SAMD4A: variants seen among roughly 807,000 people sequenced by gnomAD.
SAMD4A encodes the protein protein Smaug homolog 1.
Under a neutral mutation model 81.3 loss-of-function variants are expected in SAMD4A, and 33 were observed. That is an observed-to-expected ratio of 0.41 (90% CI 0.31 to 0.54). SAMD4A has a LOEUF of 0.54. Among genes scored for constraint, SAMD4A ranks in the 20% least tolerant of loss-of-function variants. The pLI is 0.37. For missense variants in SAMD4A, 854 were observed against 951.1 expected, an observed-to-expected ratio of 0.90 and a Z score of 1.34; for synonymous variants, 389 against 382.1, an observed-to-expected ratio of 1.02 and a Z score of -0.21.
At chr14:54,585,398 A>T (rs1476564165) in intron 2 of SAMD4A, among the ~76,000 whole-genome samples, 1 of 152,320 alleles carries the variant, frequency 6.6e-6, no homozygotes, top group South Asian at 2.1e-4. Context: ...AAAAATTAGC[A>T]TATGTAATAT....
intron 2 of SAMD4A, among the ~76,000 whole-genome samples, chr14:54,581,055 C>A (rs562930060): frequency 1.3e-5 from 2 of 152,240 alleles, no homozygotes; most frequent in African/African-American, 4.8e-5. Flanking sequence ...TTACAGAAGA[C>A]CTGGGTTAGG....
intron 2 of SAMD4A, among the ~76,000 whole-genome samples, chr14:54,655,722 G>A (rs1319107531): frequency 6.6e-6 from 1 of 152,262 alleles, no homozygotes; most frequent in Non-Finnish European, 1.5e-5. Flanking sequence ...TGGGCAATAA[G>A]AGCGAAATTC....
At chr14:54,640,920 T>C (rs1347407673) in intron 2 of SAMD4A, among the ~76,000 whole-genome samples, 1 of 152,228 alleles carries the variant, frequency 6.6e-6, no homozygotes, top group Non-Finnish European at 1.5e-5. Context: ...AGTTTCCTTT[T>C]GGTCTTTCAC....
rs2038662542 is a variant in SAMD4A at position 54,770,162 on chromosome 14, T to C, written c.1655T>C (p.Leu552Pro). 6.2e-7 allele frequency: 1 copy of C among 1,613,952 alleles called. No homozygotes were observed. The highest frequency in any genetic ancestry group is 1.3e-5 in the African/African-American group (1 of 74,940). Residue 552 changes from leucine to proline, a missense_variant, in exon 9 of 13, where the codon CTC becomes CCC. This residue lies in a region of SAMD4A where 428 missense variants were observed against 471.2 expected (regional missense o/e 0.91). Coordinates refer to ENST00000554335, the MANE Select transcript of SAMD4A (RefSeq NM_015589.6). ...TCATGGAAACAGCAGGTGCAGAAGC[T>C]CTTTCGGTCTTTCCCTCGGAAAACC... is the stretch of plus-strand genomic sequence containing the variant. ...LLSWKQQVQK[L>P]FRSFPRKTLL... is the part of the protein sequence containing the mutation.
chr14:54,790,955 T>C lies in SAMD4A; in HGVS notation c.*2011T>C, dbSNP rs1408018222. The C allele has an allele frequency of 6.6e-6, 1 of 152,114 alleles. No homozygotes were observed. Among genetic ancestry groups the C allele is most frequent in the Non-Finnish European group, 1.5e-5 (1 of 68,026 alleles). 9.4% of individuals were successfully genotyped at this position (152,114 alleles called of 1,614,324 possible). On this transcript the variant is annotated 3_prime_UTR_variant, in exon 13 of 13. Transcript: ENST00000554335. Reference sequence around the variant, plus strand: ...AAAGCCTTTCGTGAGCAGAGAAGGCTTGAATCCACAATTTCATTCGCTGAA... The same window carrying C: ...AAAGCCTTTCGTGAGCAGAGAAGGCCTGAATCCACAATTTCATTCGCTGAA...
intron 7 of SAMD4A, among the ~76,000 whole-genome samples, chr14:54,761,002 C>T (rs2038383352): frequency 6.6e-6 from 1 of 152,186 alleles, no homozygotes; most frequent in South Asian, 2.1e-4. Context: ...AAAGTGTTCT[C>T]AGATGTGGCC....
At chr14:54,698,164 A>G (rs116615470) in intron 2 of SAMD4A, among the ~76,000 whole-genome samples, 4,022 of 152,338 alleles carry the variant, frequency 0.026, 199 homozygotes, top group African/African-American at 0.091. Flanking sequence ...TTAAACCACA[A>G]TAGGTATAAC....
chr14:54,645,794 C>G (rs1566564262), intron 2 of SAMD4A, among the ~76,000 whole-genome samples: 1 of 152,180 alleles, frequency 6.6e-6, no homozygotes, highest in South Asian at 2.1e-4. Context: ...TTCTCTGTTT[C>G]CCTCTGAGTT....
At chr14:54,629,193 C>T (rs2034836525) in intron 2 of SAMD4A, among the ~76,000 whole-genome samples, 1 of 152,164 alleles carries the variant, frequency 6.6e-6, no homozygotes, top group Non-Finnish European at 1.5e-5. Flanking sequence ...AGTGAGGCAG[C>T]TGCAAGCCAA....
chr14:54,613,992 AAAG>A (rs1288643743), intron 2 of SAMD4A, among the ~76,000 whole-genome samples: 2 of 152,276 alleles, frequency 1.3e-5, no homozygotes, highest in African/African-American at 4.8e-5. Flanking sequence ...AGTGTCCGTC[AAAG>A]AACATCAACA....
At chr14:54,716,289 A>G (rs910396739) in intron 3 of SAMD4A, among the ~76,000 whole-genome samples, 3 of 152,168 alleles carry the variant, frequency 2.0e-5, no homozygotes, top group African/African-American at 7.2e-5. Context: ...CCTCAGCTCC[A>G]GGTTCTTGAG....
intron 10 of SAMD4A, 52 bp downstream of exon 10, chr14:54,775,187 CT>C: frequency 6.2e-7 from 1 of 1,604,846 alleles, no homozygotes; most frequent in South Asian, 1.1e-5. Flanking sequence ...AGGCCCAAGG[CT>C]GCAGATGTCC....
chr14:54,673,605 C>T (rs1377397798), intron 2 of SAMD4A, among the ~76,000 whole-genome samples: 8 of 152,318 alleles, frequency 5.3e-5, no homozygotes, highest in Non-Finnish European at 1.0e-4. Flanking sequence ...CACCTGCTTT[C>T]GGGATGCCCA....
At chr14:54,640,635 G>A (rs887631183) in intron 2 of SAMD4A, among the ~76,000 whole-genome samples, 8 of 152,262 alleles carry the variant, frequency 5.3e-5, no homozygotes, top group East Asian at 1.9e-4. Flanking sequence ...CACTGCTCAC[G>A]GGAATGGCGC....
At chr14:54,566,320 C>G (rs1046937784), upstream of SAMD4A, among the ~76,000 whole-genome samples, 24 of 151,718 alleles carry the variant, frequency 1.6e-4, no homozygotes, top group African/African-American at 5.8e-4. Context: ...GGTGAGCGCT[C>G]CCTCCCTACG....
At chr14:54,689,824 T>A (rs561173535) in intron 2 of SAMD4A, 1 of 152,270 alleles carries the variant, frequency 6.6e-6, no homozygotes, top group Admixed American at 6.5e-5. Context: ...ACATTGGACA[T>A]GTGACCTGGT....
At chr14:54,609,029 A>G (rs187409319) in intron 2 of SAMD4A, among the ~76,000 whole-genome samples, 3 of 152,364 alleles carry the variant, frequency 2.0e-5, no homozygotes, top group Admixed American at 6.5e-5. Context: ...CCTGGTAACT[A>G]ACAGCCTCTC....
At chr14:54,654,874 G>A (rs10135292) in intron 2 of SAMD4A, among the ~76,000 whole-genome samples, 113 of 152,354 alleles carry the variant, frequency 7.4e-4, no homozygotes, top group African/African-American at 2.6e-3. Context: ...GGAAGATGGC[G>A]TAATGACAGC....
At chr14:54,739,530 A>G (rs576879808) in intron 4 of SAMD4A, among the ~76,000 whole-genome samples, 37 of 152,306 alleles carry the variant, frequency 2.4e-4, no homozygotes, top group African/African-American at 7.2e-4. Context: ...AAAAAAAAAA[A>G]AAAAGTTTGA....
Sources: gnomAD v4.1 joint callset for allele counts (sites outside exome capture counted in the v4.1 genomes callset) on GRCh38, gnomAD v4.1.1 for gene constraint, gnomAD v4.1.1 regional missense constraint, MANE v1.5 for transcripts, NCBI Gene and HGNC (gene_info 2026-07-23, HGNC 2026-07-21) for gene names.